ZNF324: variants seen among roughly 807,000 people sequenced by gnomAD.
The protein encoded by ZNF324 is zinc finger protein 324A.
In ZNF324, 3 loss-of-function variants were observed where a neutral mutation model predicts 10.3. The observed-to-expected ratio is 0.29, with a 90% CI of 0.13 to 0.75. The LOEUF (loss-of-function observed/expected upper bound fraction) is 0.75, where lower values mean the gene tolerates loss of function less well. Among genes scored for constraint, ZNF324 ranks in the 30% least tolerant of loss-of-function variants. The pLI, the probability that ZNF324 is intolerant of heterozygous loss-of-function variation, is 0.69. For synonymous variants in ZNF324, 430 were observed against 339.5 expected, an observed-to-expected ratio of 1.27 and a Z score of -2.93; for missense variants, 763 against 784.4, an observed-to-expected ratio of 0.97 and a Z score of 0.33.
chr19:58,472,026 T>A lies in ZNF324; in HGVS notation c.1534T>A (p.Ser512Thr), dbSNP rs2053039674. The A allele has an allele frequency of 6.2e-7, 1 of 1,607,164 alleles. No individual in the cohort carries two copies. Among genetic ancestry groups the A allele is most frequent in the Non-Finnish European group, 8.5e-7 (1 of 1,179,696 alleles). Residue 512 changes from serine to threonine, a missense_variant, in exon 4 of 4, where the codon TCC becomes ACC. This residue lies in a region of ZNF324 where 231 missense variants were observed against 196.0 expected (regional missense o/e 1.18). Coordinates refer to ENST00000196482, the MANE Select transcript of ZNF324 (RefSeq NM_014347.3). ...TACCGGCGAGAAGACCGTCCGGCGA[T>A]CCAGGGCCAGCCTGCACCCCCAGGC... ...IHTGEKTVRR[S>T]RASLHPQARS... is the part of the protein sequence containing the mutation.
rs549288841 is a variant in ZNF324, at chr19:58,474,083, A to G, written c.*1929A>G. On this transcript the variant is annotated 3_prime_UTR_variant, in exon 4 of 4. Coordinates refer to ENST00000196482, the MANE Select transcript of ZNF324 (RefSeq NM_014347.3). ...CAGATCCAGGCCCCACACACTTGAT[A>G]TTGGGGCCAGACTCTTCCACCTGTG... is the stretch of plus-strand genomic sequence containing the variant. 1.3e-5 allele frequency: 2 copies of G among 152,292 alleles called. No homozygotes were observed. Among genetic ancestry groups the G allele is most frequent in the African/African-American group, 2.4e-5 (1 of 41,556 alleles). 9.4% of individuals were successfully genotyped at this position (152,292 alleles called of 1,614,324 possible).
In ZNF324 at chr19:58,473,103, G is replaced by A. The variant is rs1600001929; in HGVS notation, c.*949G>A. 6.5e-6 allele frequency: 1 copy of A among 152,792 alleles called. No homozygotes were observed. The highest frequency in any genetic ancestry group is 3.4e-3 in the Middle Eastern group (1 of 294). 9.5% of individuals were successfully genotyped at this position (152,792 alleles called of 1,614,324 possible). Reference sequence around the variant, plus strand: ...GAGGAGGCTTTATACCTGAGGGGATGATGTTAACTTCAGACAAGATGGAGC... The same window carrying A: ...GAGGAGGCTTTATACCTGAGGGGATAATGTTAACTTCAGACAAGATGGAGC... On this transcript the variant is annotated 3_prime_UTR_variant, in exon 4 of 4. Coordinates refer to ENST00000196482, the MANE Select transcript of ZNF324 (RefSeq NM_014347.3).
At chr19:58,470,081 A>C (rs2053014916) in intron 3 of ZNF324, among the ~76,000 whole-genome samples, 1 of 152,202 alleles carries the variant, frequency 6.6e-6, no homozygotes, top group Non-Finnish European at 1.5e-5. Flanking sequence ...AGACCATCTC[A>C]GAGTCCTGCT....
chr19:58,470,305 C>G (rs1344999253), intron 3 of ZNF324, among the ~76,000 whole-genome samples: 1 of 145,846 alleles, frequency 6.9e-6, no homozygotes, highest in African/African-American at 2.6e-5. Context: ...AGTCGGTAAG[C>G]AGGATTCAGG....
intron 1 of ZNF324, chr19:58,468,287 G>A: frequency 1.0e-6 from 1 of 975,236 alleles, no homozygotes; most frequent in Non-Finnish European, 1.2e-6. Flanking sequence ...CCAGGTGTGG[G>A]CAGTTATGGC....
chr19:58,472,407 C>T lies in ZNF324; in HGVS notation c.*253C>T, dbSNP rs932556548. 8 of 525,976 alleles carry T rather than the reference C, an allele frequency of 1.5e-5. No homozygotes were observed. Among genetic ancestry groups the T allele is most frequent in the Admixed American group, 6.6e-5 (2 of 30,462 alleles). 32.6% of individuals were successfully genotyped at this position (525,976 alleles called of 1,614,324 possible). On this transcript the variant is annotated 3_prime_UTR_variant, in exon 4 of 4. Transcript: ENST00000196482. ...CGTGGTGGCTGAACTCTAGTGGGGC[C>T]GAGACTATTCAGAGCCAGTAGGAGG... is the stretch of plus-strand genomic sequence containing the variant.
intron 3 of ZNF324, 140 bp from the exon 4 acceptor site, chr19:58,470,591 C>G (rs2122411382): frequency 9.6e-7 from 1 of 1,042,150 alleles, no homozygotes; most frequent in South Asian, 1.3e-5. Flanking sequence ...CCCAGCCCCT[C>G]CTGCAGGGCC....
At position 58,474,421 on chromosome 19, in the gene ZNF324, C is replaced by G. The variant is rs1293651270; in HGVS notation, c.*2267C>G. On this transcript the variant is annotated 3_prime_UTR_variant, in exon 4 of 4. Coordinates refer to ENST00000196482, the MANE Select transcript of ZNF324 (RefSeq NM_014347.3). ...CCCTGAGCCCGCCTGACCCCTTAGGCTGGGCTCAGTACCCTACCTTGTCTT... is the reference window on the plus strand; with the variant it reads ...CCCTGAGCCCGCCTGACCCCTTAGGGTGGGCTCAGTACCCTACCTTGTCTT... The G allele has an allele frequency of 6.6e-6, 1 of 152,166 alleles. No homozygotes were observed. The highest frequency in any genetic ancestry group is 2.4e-5 in the African/African-American group (1 of 41,408). The allele number at this position is 152,166 out of a possible 1,614,324, so 9.4% of individuals were successfully genotyped here. A position where few individuals can be genotyped will look rare whatever the true frequency, so the allele number is the denominator to read the frequency against.
At chr19:58,470,074 C>G (rs938634640) in intron 3 of ZNF324, among the ~76,000 whole-genome samples, 8 of 152,272 alleles carry the variant, frequency 5.3e-5, no homozygotes, top group African/African-American at 1.7e-4. Context: ...TATGGTGAGA[C>G]CATCTCAGAG....
rs751594468 is a variant in ZNF324 at position 58,472,140 on chromosome 19, C to A, written c.1648C>A (p.Pro550Thr). The A allele has an allele frequency of 6.3e-7, 1 of 1,581,418 alleles. No individual in the cohort carries two copies. Among genetic ancestry groups the A allele is most frequent in the Non-Finnish European group, 8.6e-7 (1 of 1,165,040 alleles). Residue 550 changes from proline to threonine, a missense_variant, in exon 4 of 4, where the codon CCA becomes ACA. Physicochemically the swap from Pro to Thr is conservative, Grantham distance 38 (BLOSUM62 -1). Around this residue, in one of 3 missense-constraint regions of ZNF324, gnomAD observed 231 missense variants for 196.0 expected, o/e 1.18. Transcript: ENST00000196482. ...PASGPAAVSQ[P>T]AEV is the part of the protein sequence containing the mutation. ...CTCGGGCCCAGCCGCCGTCTCGCAGCCAGCGGAGGTCTGAGGTCACAGGTT... is the reference window on the plus strand; with the variant it reads ...CTCGGGCCCAGCCGCCGTCTCGCAGACAGCGGAGGTCTGAGGTCACAGGTT...
Position 58,470,970 on chromosome 19 carries a change from C to T in ZNF324, c.478C>T (p.Leu160=). 6.2e-7 allele frequency: 1 copy of T among 1,614,240 alleles called. No homozygotes were observed. Among genetic ancestry groups the T allele is most frequent in the Non-Finnish European group, 8.5e-7 (1 of 1,180,044 alleles). The change falls in exon 4 of 4, where the codon CTG becomes TTG. Residue 160 remains leucine (L), a synonymous_variant. Transcript: ENST00000196482. The stretch of plus-strand genomic sequence containing the variant: ...AGGCAGTGGGCAAGCCAGCGTCAGC[C>T]TGCGACTGACCTCCCCGCTTAGGCC... The part of the protein sequence containing the change: ...GSGSGQASVS[L]RLTSPLRPPE...
chr19:58,468,109 G>A (rs1051613430), intron 1 of ZNF324: 265 of 814,868 alleles, frequency 3.3e-4, no homozygotes, highest in Non-Finnish European at 3.8e-4. Flanking sequence ...GAAGAAGAGA[G>A]CTGCTGTAGA....
Position 58,471,187 on chromosome 19 carries a change from A to G in ZNF324, c.695A>G (p.His232Arg), listed in dbSNP as rs1178693969. 2 of 1,613,364 alleles carry G rather than the reference A, an allele frequency of 1.2e-6. No individual in the cohort carries two copies. The highest frequency in any genetic ancestry group is 4.5e-5 in the East Asian group (2 of 44,734). Residue 232 changes from histidine (H) to arginine (R), a missense_variant, in exon 4 of 4, where the codon CAT becomes CGT. Coordinates refer to ENST00000196482, the MANE Select transcript of ZNF324 (RefSeq NM_014347.3). ...HRMGAVWQEPHRLLGGQEPST... is the reference protein window; with the variant it reads ...HRMGAVWQEPRRLLGGQEPST... ...ATGGGTGCAGTTTGGCAGGAGCCTC[A>G]TAGACTCCTCGGTGGCCAGGAGCCC...
At chr19:58,470,518 T>G (rs1447933497) in intron 3 of ZNF324, 1 of 671,794 alleles carries the variant, frequency 1.5e-6, no homozygotes, top group Admixed American at 2.3e-5. Context: ...GCTGCCACCT[T>G]GATCATGGGA....
chr19:58,469,392 G>GC, intron 2 of ZNF324, 86 bp downstream of exon 2: 1 of 1,547,008 alleles, frequency 6.5e-7, no homozygotes, highest in South Asian at 1.2e-5. Flanking sequence ...GGTGGCTGAC[G>GC]AGCAGGCCTA....
chr19:58,469,491 C>T (rs562358628), intron 2 of ZNF324, among the ~76,000 whole-genome samples, 185 bp downstream of exon 2: 77 of 152,354 alleles, frequency 5.1e-4, no homozygotes, highest in African/African-American at 1.7e-3. Flanking sequence ...TGGCGCTGTC[C>T]GGCTGTGGCC....
chr19:58,472,312 T>G lies in ZNF324; in HGVS notation c.*158T>G. The G allele has an allele frequency of 1.3e-6, 1 of 777,944 alleles. No individual in the cohort carries two copies. Among genetic ancestry groups the G allele is most frequent in the Non-Finnish European group, 2.0e-6 (1 of 503,994 alleles). The allele number at this position is 777,944 out of a possible 1,614,324, so 48.2% of individuals were successfully genotyped here. On this transcript the variant is annotated 3_prime_UTR_variant, in exon 4 of 4. Coordinates refer to ENST00000196482, the MANE Select transcript of ZNF324 (RefSeq NM_014347.3). Reference sequence around the variant, plus strand: ...TTTCATTTGCACGTGGGGACAGGATTTGCCAGTTCACCCACAGATCACACC... The same window carrying G: ...TTTCATTTGCACGTGGGGACAGGATGTGCCAGTTCACCCACAGATCACACC...
Position 58,472,062 on chromosome 19 carries a change from G to A in ZNF324, c.1570G>A (p.Ala524Thr). The change falls in exon 4 of 4, where the codon GCC becomes ACC. Residue 524 changes from alanine (A) to threonine (T), a missense_variant. Ala to Thr is a moderately conservative substitution (Grantham distance 58). Transcript: ENST00000196482. ...CCTGCACCCCCAGGCCAGGTCTGTTGCCGGGGCATCATCAGAAGGTGCGCC... is the reference window on the plus strand; with the variant it reads ...CCTGCACCCCCAGGCCAGGTCTGTTACCGGGGCATCATCAGAAGGTGCGCC... Reference protein sequence around the residue: ...ASLHPQARSVAGASSEGAPAK... With the variant: ...ASLHPQARSVTGASSEGAPAK... 1 of 1,604,384 alleles carries A rather than the reference G, an allele frequency of 6.2e-7. No individual in the cohort carries two copies.
chr19:58,469,552 C>G (rs1599996004), intron 2 of ZNF324, among the ~76,000 whole-genome samples, 176 bp from the exon 3 acceptor site: 1 of 152,250 alleles, frequency 6.6e-6, no homozygotes, highest in African/African-American at 2.4e-5. Flanking sequence ...GGCACAGTTG[C>G]TGCCCTGGGG....
Sources: allele counts gnomAD v4.1 joint callset (sites outside exome capture counted in the v4.1 genomes callset), GRCh38; gene constraint gnomAD v4.1.1; regional missense constraint gnomAD v4.1.1; transcripts MANE v1.5; gene names NCBI Gene and HGNC (gene_info 2026-07-23, HGNC 2026-07-21).